UBE2E2: variants seen among roughly 807,000 people sequenced by gnomAD.
The protein encoded by UBE2E2 is ubiquitin conjugating enzyme E2 E2, also known as ubiquitin-conjugating enzyme E2 E2.
A neutral mutation model predicts 24.7 loss-of-function variants in UBE2E2; 6 were observed. The observed-to-expected ratio is 0.24, with a 90% CI of 0.13 to 0.48. The LOEUF is 0.48. Among genes scored for constraint, UBE2E2 ranks in the 20% least tolerant of loss-of-function variants. UBE2E2 has a pLI of 0.99. For missense variants in UBE2E2, 169 were observed against 245.0 expected (o/e 0.69, Z 2.07); for synonymous variants, 104 against 83.6 (o/e 1.24, Z -1.33).
At chr3:23,215,148 A>T (rs569979715) in intron 2 of UBE2E2, among the ~76,000 whole-genome samples, 18 of 151,934 alleles carry the variant, frequency 1.2e-4, no homozygotes, top group Admixed American at 2.6e-4. Context: ...TTTATTCTCT[A>T]CTTTGTAAAT....
intron 3 of UBE2E2, among the ~76,000 whole-genome samples, chr3:23,326,743 G>A (rs188581492): frequency 6.6e-6 from 1 of 152,220 alleles, no homozygotes; most frequent in East Asian, 1.9e-4. Flanking sequence ...TTATATATGT[G>A]TACATGTCCC....
chr3:23,404,199 C>T (rs187080399), intron 3 of UBE2E2, among the ~76,000 whole-genome samples: 2 of 152,248 alleles, frequency 1.3e-5, no homozygotes, highest in African/African-American at 2.4e-5. Flanking sequence ...AACTCAGTTG[C>T]AATGAGATTC....
chr3:23,333,338 G>C (rs960676494), intron 3 of UBE2E2, among the ~76,000 whole-genome samples: 1 of 152,206 alleles, frequency 6.6e-6, no homozygotes, highest in African/African-American at 2.4e-5. Context: ...AAGACTGAGA[G>C]AATAAGTTAT....
chr3:23,564,302 T>C (rs1001695241), intron 5 of UBE2E2, among the ~76,000 whole-genome samples: 5 of 152,122 alleles, frequency 3.3e-5, no homozygotes, highest in Non-Finnish European at 7.4e-5. Flanking sequence ...TGGAAACAAA[T>C]GTAGCTAGTT....
At chr3:23,355,613 C>CT (rs951697128) in intron 3 of UBE2E2, among the ~76,000 whole-genome samples, 7 of 151,906 alleles carry the variant, frequency 4.6e-5, no homozygotes, top group Admixed American at 3.3e-4. Flanking sequence ...AATACAGTTA[C>CT]TTTTTTTTGT....
intron 4 of UBE2E2, among the ~76,000 whole-genome samples, chr3:23,500,848 T>A (rs1699705709): frequency 6.6e-6 from 1 of 152,178 alleles, no homozygotes; most frequent in South Asian, 2.1e-4. Context: ...GCATTATGCA[T>A]CAAGCAAATT....
intron 3 of UBE2E2, among the ~76,000 whole-genome samples, chr3:23,466,295 A>G (rs1467017799): frequency 6.6e-6 from 1 of 152,210 alleles, no homozygotes; most frequent in Non-Finnish European, 1.5e-5. Context: ...AGGCAGGTAC[A>G]CATATAAGTG....
chr3:23,411,132 T>C (rs1697486895), intron 3 of UBE2E2, among the ~76,000 whole-genome samples: 1 of 152,132 alleles, frequency 6.6e-6, no homozygotes, highest in African/African-American at 2.4e-5. Context: ...AGACAATGTC[T>C]GTTCCAGGCC....
At chr3:23,415,924 G>C (rs1414937025) in intron 3 of UBE2E2, among the ~76,000 whole-genome samples, 3 of 151,804 alleles carry the variant, frequency 2.0e-5, no homozygotes, top group African/African-American at 4.8e-5. Flanking sequence ...GCCCCAGTGT[G>C]TGATGTTCCC....
Position 23,499,644 on chromosome 3 carries a change from G to A in UBE2E2, c.264G>A (p.Arg88=), listed in dbSNP as rs774658438. 3 of 1,613,824 alleles carry A rather than the reference G, an allele frequency of 1.9e-6. No individual in the cohort carries two copies. Among genetic ancestry groups the A allele is most frequent in the Non-Finnish European group, 2.5e-6 (3 of 1,179,846 alleles). The change falls in exon 4 of 6, where the codon AGG becomes AGA. Residue 88 remains arginine (R), a synonymous_variant. Coordinates refer to ENST00000396703, the MANE Select transcript of UBE2E2 (RefSeq NM_152653.4). Reference sequence around the variant, plus strand: ...AAGGAGACAACATTTATGAATGGAGGTCAACTATATTGGGACCCCCAGGAT... The same window carrying A: ...AAGGAGACAACATTTATGAATGGAGATCAACTATATTGGGACCCCCAGGAT... The part of the protein sequence containing the change: ...GPKGDNIYEW[R]STILGPPGSV...
At chr3:23,494,295 C>T (rs1400418841) in intron 3 of UBE2E2, among the ~76,000 whole-genome samples, 1 of 152,070 alleles carries the variant, frequency 6.6e-6, no homozygotes, top group Non-Finnish European at 1.5e-5. Context: ...AAAAAATAAG[C>T]AAAGCATATT....
intron 3 of UBE2E2, among the ~76,000 whole-genome samples, chr3:23,251,651 T>C (rs991244277): frequency 6.6e-6 from 1 of 152,254 alleles, no homozygotes; most frequent in Non-Finnish European, 1.5e-5. Flanking sequence ...TGATTCATTA[T>C]TAACTTCTGT....
intron 3 of UBE2E2, among the ~76,000 whole-genome samples, chr3:23,352,115 T>A (rs192143055): frequency 1.5e-3 from 234 of 152,124 alleles, no homozygotes; most frequent in African/African-American, 4.9e-3. Flanking sequence ...AAACTGAACA[T>A]CCTGCTCCTG....
At chr3:23,466,567 G>GTTTTTGT (rs1345859250) in intron 3 of UBE2E2, among the ~76,000 whole-genome samples, 1 of 147,746 alleles carries the variant, frequency 6.8e-6, no homozygotes, top group African/African-American at 2.5e-5. Flanking sequence ...TTTTGTTTTT[G>GTTTTTGT]TTTTTGTTTT....
At position 23,589,637 on chromosome 3, in the gene UBE2E2, T is replaced by G; in HGVS notation, c.509-97T>G. On this transcript the variant is annotated intron_variant, in intron 5 of 5. Coordinates refer to ENST00000396703, the MANE Select transcript of UBE2E2 (RefSeq NM_152653.4). This position sits in a 1 kb window ranked among gnomAD's most constrained non-coding sequence, Gnocchi z 4.1. ...GGTGGTCCAGGTTAGAACAGCAGCT[T>G]CTCATCTCCTACCCTCCCACTCCTT... 8.0e-7 allele frequency: 1 copy of G among 1,255,676 alleles called. No homozygotes were observed. Among genetic ancestry groups the G allele is most frequent in the Non-Finnish European group, 1.1e-6 (1 of 875,472 alleles). The allele number at this position is 1,255,676 out of a possible 1,614,324, so 77.8% of individuals were successfully genotyped here. A position where few individuals can be genotyped will look rare whatever the true frequency, so the allele number is the denominator to read the frequency against.
intron 3 of UBE2E2, among the ~76,000 whole-genome samples, chr3:23,223,962 G>A (rs1034954352): frequency 3.3e-5 from 5 of 152,206 alleles, no homozygotes; most frequent in Admixed American, 1.3e-4. Flanking sequence ...CTGTAAATGC[G>A]TGGATTTATA....
chr3:23,309,343 GAATATAGTTCACAT>G (rs976813554), intron 3 of UBE2E2, among the ~76,000 whole-genome samples: 1 of 152,178 alleles, frequency 6.6e-6, no homozygotes, highest in Non-Finnish European at 1.5e-5. Context: ...TGAGGGTAGT[GAATATAGTTCACAT>G]AACATAGTTA....
intron 3 of UBE2E2, among the ~76,000 whole-genome samples, chr3:23,263,490 A>T (rs1030732766): frequency 2.0e-5 from 3 of 152,224 alleles, no homozygotes; most frequent in Non-Finnish European, 4.4e-5. Flanking sequence ...TAACAGATTC[A>T]GTCCCTTATT....
At chr3:23,449,805 G>A in intron 3 of UBE2E2, 2 of 938,492 alleles carry the variant, frequency 2.1e-6, no homozygotes, top group Non-Finnish European at 2.5e-6. Context: ...TATCTCAACG[G>A]GGAAAAGTTT....
Sources: gnomAD v4.1 joint callset for allele counts (sites outside exome capture counted in the v4.1 genomes callset) on GRCh38, gnomAD v4.1.1 for gene constraint, Gnocchi (gnomAD v3.1) non-coding constraint, MANE v1.5 for transcripts, NCBI Gene and HGNC (gene_info 2026-07-23, HGNC 2026-07-21) for gene names.